The following EMG1 variants were observed in gnomAD, a reference collection of about 807,000 sequenced individuals.
The protein encoded by EMG1 is ribosomal RNA small subunit methyltransferase NEP1.
A neutral mutation model predicts 26.9 loss-of-function variants in EMG1; 24 were observed. The observed-to-expected ratio is 0.89, with a 90% CI of 0.65 to 1.26. The LOEUF (loss-of-function observed/expected upper bound fraction) is 1.26. Ranked by LOEUF, EMG1 falls within the 50% of genes most tolerant of loss-of-function variation. EMG1 has a pLI of 0.00. For missense variants in EMG1, 299 were observed against 307.6 expected (o/e 0.97, Z 0.21); for synonymous variants, 140 against 112.6 (o/e 1.24, Z -1.54).
In EMG1 at chr12:6,979,907, A is replaced by G; in HGVS notation, c.*4098A>G. The G allele has an allele frequency of 3.9e-6, 1 of 256,842 alleles. No homozygotes were observed. The highest frequency in any genetic ancestry group is 5.3e-5 in the Admixed American group (1 of 18,748). The allele number at this position is 256,842 out of a possible 1,614,324, so 15.9% of individuals were successfully genotyped here. Reference sequence around the variant, plus strand: ...TCCATTGGGACTGAAAACCCAGTGGAGGTAAGATAATAAAAATAACCACTT... The same window carrying G: ...TCCATTGGGACTGAAAACCCAGTGGGGGTAAGATAATAAAAATAACCACTT... On this transcript the variant is annotated 3_prime_UTR_variant, in exon 6 of 6. Transcript: ENST00000599672.
In EMG1 at chr12:6,978,564, C is replaced by G. The variant is rs1555153634; in HGVS notation, c.*2755C>G. On this transcript the variant is annotated 3_prime_UTR_variant, in exon 6 of 6. Coordinates refer to ENST00000599672, the MANE Select transcript of EMG1 (RefSeq NM_006331.8). ...CCACTCCCCATACTGGCCCCCATGGCTTGTCTAAATAGGACCTTGTTTCAA... is the reference window on the plus strand; with the variant it reads ...CCACTCCCCATACTGGCCCCCATGGGTTGTCTAAATAGGACCTTGTTTCAA... 6.2e-7 allele frequency: 1 copy of G among 1,613,200 alleles called. No homozygotes were observed. The highest frequency in any genetic ancestry group is 1.3e-5 in the African/African-American group (1 of 74,918).
rs1555153661 is a variant in EMG1, at chr12:6,978,720, A to G, written c.*2911A>G. ...GGGAAGAAAGCACAGTGCATTAGGG[A>G]TATCACATGACTAGGCAGTTTCTCT... On this transcript the variant is annotated 3_prime_UTR_variant, in exon 6 of 6. Coordinates refer to ENST00000599672, the MANE Select transcript of EMG1 (RefSeq NM_006331.8). 6.2e-7 allele frequency: 1 copy of G among 1,611,160 alleles called. No individual in the cohort carries two copies. Among genetic ancestry groups the G allele is most frequent in the Admixed American group, 1.7e-5 (1 of 59,492 alleles).
In EMG1 at chr12:6,979,618, A is replaced by T. The variant is rs376496578; in HGVS notation, c.*3809A>T. 1.7e-4 allele frequency: 232 copies of T among 1,392,380 alleles called. 1 individual carries two copies. The highest frequency in any genetic ancestry group is 3.1e-5 in the Non-Finnish European group (30 of 978,458). The allele number at this position is 1,392,380 out of a possible 1,614,324, so 86.3% of individuals were successfully genotyped here. ...AGTGAAGTTCCTGGTCACAGAGAGCAGAGACTATTCCCTTCACCCTCTGAC... is the reference window on the plus strand; with the variant it reads ...AGTGAAGTTCCTGGTCACAGAGAGCTGAGACTATTCCCTTCACCCTCTGAC... On this transcript the variant is annotated 3_prime_UTR_variant, in exon 6 of 6. Coordinates refer to ENST00000599672, the MANE Select transcript of EMG1 (RefSeq NM_006331.8).
Position 6,978,006 on chromosome 12 carries a change from C to A in EMG1, c.*2197C>A, listed in dbSNP as rs1946428218. ...GGCTGATGCTGAGATCAGTGGTGAA[C>A]CAGACACTCTACTCAAGCTGCCCAC... On this transcript the variant is annotated 3_prime_UTR_variant, in exon 6 of 6. Coordinates refer to ENST00000599672, the MANE Select transcript of EMG1 (RefSeq NM_006331.8). The A allele has an allele frequency of 7.1e-6, 4 of 565,310 alleles. No homozygotes were observed. Among genetic ancestry groups the A allele is most frequent in the Non-Finnish European group, 1.3e-5 (4 of 317,006 alleles). 35.0% of individuals were successfully genotyped at this position (565,310 alleles called of 1,614,324 possible). A position where few individuals can be genotyped will look rare whatever the true frequency, so the allele number is the denominator to read the frequency against.
exon 8 of EMG1, chr12:6,997,380 TGTG>T (rs1946646103): frequency 6.4e-5 from 1 of 15,548 alleles, no homozygotes. Context: ...CAGCAAATTA[TGTG>T]TGTGTGTGTG....
downstream of EMG1, among the ~76,000 whole-genome samples, chr12:6,988,852 CGCCGTG>C (rs1946557703): frequency 6.6e-6 from 1 of 152,106 alleles, no homozygotes; most frequent in Non-Finnish European, 1.5e-5. Flanking sequence ...GTTGGCCGGG[CGCCGTG>C]GCTCACGCCT....
At chr12:6,980,294 T>C (rs1397487400), downstream of EMG1, among the ~76,000 whole-genome samples, 2 of 151,804 alleles carry the variant, frequency 1.3e-5, no homozygotes, top group African/African-American at 4.8e-5. Context: ...CCTCCTGCCT[T>C]GGCCTCCCAG....
chr12:6,972,541 C>T (rs1946345467), intron 1 of EMG1, among the ~76,000 whole-genome samples: 1 of 152,156 alleles, frequency 6.6e-6, no homozygotes, highest in Admixed American at 6.5e-5. Flanking sequence ...TACTGACCAC[C>T]CTAATGCTCC....
rs1591708233 is a variant in EMG1 at position 6,974,790 on chromosome 12, A to C, written c.412+97A>C. On this transcript the variant is annotated intron_variant, in intron 3 of 5. Coordinates refer to ENST00000599672, the MANE Select transcript of EMG1 (RefSeq NM_006331.8). ...ACTAAATGTGGATTTTTAAGCGAGA[A>C]AATGGGAGAACAACATGATTAATAC... The C allele has an allele frequency of 7.0e-6, 9 of 1,285,460 alleles. No individual in the cohort carries two copies. The East Asian group carries it at 2.1e-4, about 31-fold the overall frequency. The allele number at this position is 1,285,460 out of a possible 1,614,324, so 79.6% of individuals were successfully genotyped here.
intron 7 of EMG1, among the ~76,000 whole-genome samples, chr12:6,995,576 C>T (rs1555155944): frequency 1.3e-5 from 2 of 152,104 alleles, no homozygotes; most frequent in Non-Finnish European, 1.5e-5. Context: ...CCATCACTGT[C>T]ACCATGACCA....
At position 6,978,426 on chromosome 12, in the gene EMG1, T is replaced by C. The variant is rs782268686; in HGVS notation, c.*2617T>C. On this transcript the variant is annotated 3_prime_UTR_variant, in exon 6 of 6. Transcript: ENST00000599672. ...TTTGTTTCAAAGAGCCACACCTTCA[T>C]GTTGGCACAGGCATCCCACTTTGCC... is the stretch of plus-strand genomic sequence containing the variant. The C allele has an allele frequency of 3.7e-6, 6 of 1,614,052 alleles. No individual in the cohort carries two copies. The African/African-American group carries it at 4.0e-5, about 11-fold the overall frequency.
downstream of EMG1, among the ~76,000 whole-genome samples, chr12:6,980,545 A>G (rs782553187): frequency 2.0e-5 from 3 of 150,638 alleles, no homozygotes; most frequent in African/African-American, 7.4e-5. Context: ...TTGTAGAGAC[A>G]GAGTCTCTCT....
chr12:6,974,828 T>C, intron 3 of EMG1, 135 bp downstream of exon 3: 2 of 1,005,658 alleles, frequency 2.0e-6, no homozygotes, highest in East Asian at 5.2e-5. Flanking sequence ...GGACAAGGAC[T>C]GTTATTATTT....
intron 1 of EMG1, among the ~76,000 whole-genome samples, chr12:6,973,409 TTGCC>T (rs1287718534): frequency 6.6e-6 from 1 of 151,958 alleles, no homozygotes; most frequent in Non-Finnish European, 1.5e-5. Context: ...CTTAAGTGAT[TTGCC>T]TGCCTTGGCC....
At chr12:6,981,588 T>C, downstream of EMG1, 1 of 1,613,912 alleles carries the variant, frequency 6.2e-7, no homozygotes, top group Non-Finnish European at 8.5e-7. Flanking sequence ...GATGAATGGG[T>C]ACTTACCTGA....
In EMG1 at chr12:6,977,852, T is replaced by A; in HGVS notation, c.*2043T>A. ...GGATTGGATTGGAGTGCTGGTGGGT[T>A]CCCACGTGTAGCCCCCAGAGGGTAC... On this transcript the variant is annotated 3_prime_UTR_variant, in exon 6 of 6. Coordinates refer to ENST00000599672, the MANE Select transcript of EMG1 (RefSeq NM_006331.8). The surrounding 1 kb of genome is among the most constrained non-coding windows in gnomAD (Gnocchi z 4.5). 1 of 1,350,736 alleles carries A rather than the reference T, an allele frequency of 7.4e-7. No individual in the cohort carries two copies. The highest frequency in any genetic ancestry group is 2.3e-5 in the East Asian group (1 of 43,586). 83.7% of individuals were successfully genotyped at this position (1,350,736 alleles called of 1,614,324 possible).
downstream of EMG1, among the ~76,000 whole-genome samples, chr12:6,982,086 A>C (rs371866399): frequency 4.0e-4 from 61 of 152,260 alleles, no homozygotes; most frequent in East Asian, 9.9e-3. Flanking sequence ...GCTTCTTGGC[A>C]AAATGAGGGC....
Position 6,987,656 on chromosome 12 carries a change from G to C in EMG1, c.*155-126G>C, listed in dbSNP as rs1555154950. 2.5e-6 allele frequency: 1 copy of C among 394,900 alleles called. No homozygotes were observed. The highest frequency in any genetic ancestry group is 4.5e-6 in the Non-Finnish European group (1 of 224,416). The allele number at this position is 394,900 out of a possible 1,614,324, so 24.5% of individuals were successfully genotyped here. On this transcript the variant is annotated intron_variant and NMD_transcript_variant, in intron 6 of 7. Transcript: ENST00000261406. The surrounding 1 kb of genome is among the most constrained non-coding windows in gnomAD (Gnocchi z 4.1). The stretch of plus-strand genomic sequence containing the variant: ...AATTATCTAGAGCACTCATAAATAA[G>C]TTCTAGGTAGCTAAGTTTCTCTCTT...
At chr12:6,982,886 CT>C, downstream of EMG1, 15 of 728,206 alleles carry the variant, frequency 2.1e-5, no homozygotes, top group South Asian at 5.1e-5. Context: ...GCATCAGGAT[CT>C]TTTTTTTCAG....
Sources: allele counts gnomAD v4.1 joint callset (sites outside exome capture counted in the v4.1 genomes callset), GRCh38; gene constraint gnomAD v4.1.1; non-coding constraint Gnocchi (gnomAD v3.1); transcripts MANE v1.5; gene names NCBI Gene and HGNC (gene_info 2026-07-23, HGNC 2026-07-21).